ADAMTS18: variants seen among roughly 807,000 people sequenced by gnomAD.
ADAMTS18 encodes A disintegrin and metalloproteinase with thrombospondin motifs 18.
ADAMTS18 carries 157 observed loss-of-function variants against 165.9 expected under a neutral mutation model. That is an observed-to-expected ratio of 0.95 (90% CI 0.83 to 1.08). The LOEUF is 1.08. ADAMTS18 is among the 50% of genes least tolerant of loss of function. The probability of loss-of-function intolerance (pLI) is 0.00; values close to 1 mark genes in which losing one functional copy is unlikely to be tolerated. For synonymous variants in ADAMTS18, 782 were observed against 578.2 expected (o/e 1.35, Z -5.06); for missense variants, 2,040 against 1,534.0 (o/e 1.33, Z -5.51).
intron 8 of ADAMTS18, among the ~76,000 whole-genome samples, chr16:77,358,049 T>G (rs2056656848): frequency 1.3e-5 from 2 of 152,388 alleles, no homozygotes; most frequent in South Asian, 4.1e-4. Context: ...GACATACATT[T>G]GATATGCACA....
chr16:77,388,591 T>C (rs556656857), intron 3 of ADAMTS18, among the ~76,000 whole-genome samples: 7 of 152,186 alleles, frequency 4.6e-5, no homozygotes, highest in Non-Finnish European at 8.8e-5. Flanking sequence ...AGAATGAGGA[T>C]AAATGAAGGA....
chr16:77,404,331 C>A (rs188502400), intron 3 of ADAMTS18, among the ~76,000 whole-genome samples: 3 of 152,206 alleles, frequency 2.0e-5, no homozygotes, highest in Non-Finnish European at 4.4e-5. Flanking sequence ...TGGAGGATAC[C>A]TTTTCAGGGT....
chr16:77,283,874 C>G lies in ADAMTS18; in HGVS notation c.*82G>C. 1 of 1,089,056 alleles carries G rather than the reference C, an allele frequency of 9.2e-7. No individual in the cohort carries two copies. Among genetic ancestry groups the G allele is most frequent in the Non-Finnish European group, 1.4e-6 (1 of 706,132 alleles). 67.5% of individuals were successfully genotyped at this position (1,089,056 alleles called of 1,614,324 possible). A position where few individuals can be genotyped will look rare whatever the true frequency, so the allele number is the denominator to read the frequency against. On this transcript the variant is annotated 3_prime_UTR_variant, in exon 23 of 23. Transcript: ENST00000282849. ...CTCACAGATGGTTCTCGGTGCTCAG[C>G]TCCTGGTCTCAAAGGCAGCTGGTCT...
At chr16:77,320,820 A>C (rs541236352) in intron 15 of ADAMTS18, among the ~76,000 whole-genome samples, 21 of 152,344 alleles carry the variant, frequency 1.4e-4, no homozygotes, top group South Asian at 4.1e-4. Flanking sequence ...TAACAAATGC[A>C]CTTGGACATA....
rs544981958 is a variant in ADAMTS18, at chr16:77,319,736, C to A, written c.2532+113G>T. The A allele has an allele frequency of 3.8e-5, 60 of 1,558,992 alleles. No homozygotes were observed. In the South Asian group the frequency reaches 6.7e-4, roughly 17 times the overall value. On this transcript the variant is annotated intron_variant, in intron 16 of 22. Transcript: ENST00000282849. ...GGGATTACAGGCATGAGCCACCATG[C>A]CCGGCCAGGAAACACCTTTGAACTA...
chr16:77,310,717 TC>T (rs1363606412), intron 16 of ADAMTS18, among the ~76,000 whole-genome samples: 2 of 152,060 alleles, frequency 1.3e-5, no homozygotes, highest in Non-Finnish European at 2.9e-5. Context: ...AGTCTCAGCC[TC>T]CTGGGTTCAA....
chr16:77,313,335 C>T (rs1258700313), intron 16 of ADAMTS18, among the ~76,000 whole-genome samples: 5 of 151,848 alleles, frequency 3.3e-5, no homozygotes, highest in East Asian at 1.9e-4. Context: ...AGGAGATATA[C>T]CTAACGTAAA....
At chr16:77,296,678 G>T (rs536207293) in intron 18 of ADAMTS18, among the ~76,000 whole-genome samples, 13 of 152,224 alleles carry the variant, frequency 8.5e-5, no homozygotes, top group African/African-American at 3.1e-4. Context: ...CAATTAGCTA[G>T]GTGTGGTGAC....
At position 77,411,590 on chromosome 16, in the gene ADAMTS18, G is replaced by C. The variant is rs149415369; in HGVS notation, c.495+19705C>G. On this transcript the variant is annotated intron_variant, in intron 3 of 22. Coordinates refer to ENST00000282849, the MANE Select transcript of ADAMTS18 (RefSeq NM_199355.4). ...CAATTGGAGTGTGTTATGAAGAGGT[G>C]CAAAGTCAACTTTACCATTGAATGG... Among the ~76,000 whole-genome samples, 218 of 151,338 alleles carry C rather than the reference G, an allele frequency of 1.4e-3. 1 individual carries two copies. The highest frequency in any genetic ancestry group is 5.2e-3 in the African/African-American group (214 of 41,236).
Position 77,293,147 on chromosome 16 carries a change from G to C in ADAMTS18, c.3118C>G (p.Gln1040Glu). ...CATCGTCCAAGCACACAGCCCTCCTGCAGCTCAGGTCTGGGGAGACTGGTA... is the reference window on the plus strand; with the variant it reads ...CATCGTCCAAGCACACAGCCCTCCTCCAGCTCAGGTCTGGGGAGACTGGTA... ...QCTSLPRPEL[Q>E]EGCVLGRCPK... The change falls in exon 20 of 23, where the codon CAG (glutamine) becomes GAG (glutamate). Residue 1040 changes from glutamine (Q) to glutamate (E), a missense_variant. By Grantham distance (29) the Gln-to-Glu change is conservative. Transcript: ENST00000282849. 4 of 1,613,960 alleles carry C rather than the reference G, an allele frequency of 2.5e-6. No individual in the cohort carries two copies. Among genetic ancestry groups the C allele is most frequent in the Middle Eastern group, 3.3e-4 (2 of 6,062 alleles).
intron 3 of ADAMTS18, among the ~76,000 whole-genome samples, chr16:77,398,838 A>T (rs1419915952): frequency 6.6e-6 from 1 of 152,170 alleles, no homozygotes; most frequent in Non-Finnish European, 1.5e-5. Flanking sequence ...CTGTGTTAAG[A>T]AGTGTAAGTT....
chr16:77,395,092 T>C (rs2057239266), intron 3 of ADAMTS18, among the ~76,000 whole-genome samples: 1 of 151,952 alleles, frequency 6.6e-6, no homozygotes, highest in South Asian at 2.1e-4. Flanking sequence ...TCCAAGGAGG[T>C]CTAAGGAAGG....
At chr16:77,284,612 C>G (rs2055212846) in intron 22 of ADAMTS18, among the ~76,000 whole-genome samples, 2 of 152,114 alleles carry the variant, frequency 1.3e-5, no homozygotes, top group African/African-American at 2.4e-5. Flanking sequence ...AGAAAAGACT[C>G]TGACCATTAG....
intron 3 of ADAMTS18, among the ~76,000 whole-genome samples, chr16:77,370,489 C>T (rs2056861022): frequency 6.6e-6 from 1 of 152,138 alleles, no homozygotes; most frequent in African/African-American, 2.4e-5. Context: ...GTGGCTCACA[C>T]CTGTAATCTC....
chr16:77,383,861 C>A (rs2057068655), intron 3 of ADAMTS18, among the ~76,000 whole-genome samples: 1 of 152,120 alleles, frequency 6.6e-6, no homozygotes, highest in South Asian at 2.1e-4. Flanking sequence ...ACTGGGGAAA[C>A]AAGGTTGGCT....
chr16:77,422,149 C>G (rs530834678), intron 3 of ADAMTS18, among the ~76,000 whole-genome samples: 1 of 152,008 alleles, frequency 6.6e-6, no homozygotes. Flanking sequence ...AATTCACAGA[C>G]CAATCCATAA....
chr16:77,380,285 G>C (rs2057012434), intron 3 of ADAMTS18, among the ~76,000 whole-genome samples: 1 of 152,326 alleles, frequency 6.6e-6, no homozygotes, highest in African/African-American at 2.4e-5. Flanking sequence ...ATAACCGTCT[G>C]TACGGATGTA....
chr16:77,399,632 A>G lies in ADAMTS18; in HGVS notation c.495+31663T>C, dbSNP rs558726310. 2.6e-5 allele frequency among the ~76,000 whole-genome samples: 4 copies of G among 152,334 alleles called. No individual in the cohort carries two copies. In the East Asian group the frequency reaches 5.8e-4, roughly 22 times the overall value. On this transcript the variant is annotated intron_variant, in intron 3 of 22. Coordinates refer to ENST00000282849, the MANE Select transcript of ADAMTS18 (RefSeq NM_199355.4). ...TGTTTCAATCGAGAAATGGAGAAGA[A>G]AACACTATACACTTCATAGAGTTGT...
chr16:77,395,494 T>C (rs2057244815), intron 3 of ADAMTS18, among the ~76,000 whole-genome samples: 1 of 152,148 alleles, frequency 6.6e-6, no homozygotes, highest in East Asian at 1.9e-4. Context: ...TAAGGTATCT[T>C]CCTATCACCT....
Sources: gnomAD v4.1 joint callset for allele counts (sites outside exome capture counted in the v4.1 genomes callset) on GRCh38, gnomAD v4.1.1 for gene constraint, MANE v1.5 for transcripts, NCBI Gene and HGNC (gene_info 2026-07-23, HGNC 2026-07-21) for gene names.